Variants in HYDIN observed in about 807,000 individuals in gnomAD.
HYDIN encodes the protein axonemal central pair apparatus protein HYDIN.
A neutral mutation model predicts 403.9 loss-of-function variants in HYDIN; 132 were observed. The ratio of observed to expected loss-of-function variants is 0.33; its 90% confidence interval spans 0.28 to 0.38. The LOEUF (loss-of-function observed/expected upper bound fraction) is 0.38, where lower values mean the gene tolerates loss of function less well. HYDIN is among the 10% of genes least tolerant of loss of function. The pLI, the probability that HYDIN is intolerant of heterozygous loss-of-function variation, is 1.00. For synonymous variants in HYDIN, 1,202 were observed against 1,891.7 expected, an observed-to-expected ratio of 0.64 and a Z score of 9.46; for missense variants, 2,827 against 5,009.5, an observed-to-expected ratio of 0.56 and a Z score of 13.15.
intron 3 of HYDIN, among the ~76,000 whole-genome samples, chr16:71,181,197 A>T (rs1048115397): frequency 2.1e-5 from 3 of 145,818 alleles, no homozygotes; most frequent in African/African-American, 7.6e-5. Context: ...GCAATACATT[A>T]AAAAAAAAAA....
intron 85 of HYDIN, among the ~76,000 whole-genome samples, chr16:70,809,249 C>T (rs2035302764): frequency 6.6e-6 from 1 of 152,094 alleles, no homozygotes; most frequent in African/African-American, 2.4e-5. Flanking sequence ...ACCTATATTC[C>T]AACTGATGTA....
intron 62 of HYDIN, among the ~76,000 whole-genome samples, chr16:70,875,945 T>C (rs987367864): frequency 2.6e-4 from 40 of 152,190 alleles, no homozygotes; most frequent in African/African-American, 8.7e-4. Context: ...ATGGAAACGA[T>C]GCAGGGTAAT....
chr16:70,810,793 C>T lies in HYDIN; in HGVS notation c.14659-786G>A, dbSNP rs117388722. On this transcript the variant is annotated intron_variant, in intron 84 of 85. Coordinates refer to ENST00000393567, the MANE Select transcript of HYDIN (RefSeq NM_001270974.2). The stretch of plus-strand genomic sequence containing the variant: ...TGCAGTGAGCCAAGATCGTGTCACT[C>T]TAGTCCACAGCCTGGGCAACAGAGT... Among the ~76,000 whole-genome samples the T allele has an allele frequency of 8.1e-3, 1,230 of 152,068 alleles. 9 individuals are homozygous for T. The highest frequency in any genetic ancestry group is 0.012 in the Non-Finnish European group (784 of 67,966).
chr16:70,956,258 C>CA (rs4028339), intron 39 of HYDIN, among the ~76,000 whole-genome samples: 44 of 133,650 alleles, frequency 3.3e-4, no homozygotes, highest in African/African-American at 7.7e-4. Context: ...ACTTTCATTA[C>CA]AAAAAAAAAA....
chr16:71,027,064 G>A (rs374035136), intron 20 of HYDIN: 29 of 837,530 alleles, frequency 3.5e-5, no homozygotes, highest in East Asian at 2.4e-4. Context: ...AATGTTTTAC[G>A]TAGAGTGTAT....
At position 71,031,337 on chromosome 16, in the gene HYDIN, G is replaced by A. The variant is rs1213525054; in HGVS notation, c.2768+342C>T. On this transcript the variant is annotated intron_variant, in intron 19 of 85. Transcript: ENST00000393567. ...TGTATCTGTATTTTCTACATTTGTG[G>A]AGAGGGATTAACAGTGTATTGGAAT... is the stretch of plus-strand genomic sequence containing the variant. 17 of 459,946 alleles carry A rather than the reference G, an allele frequency of 3.7e-5. No individual in the cohort carries two copies. In the East Asian group the frequency reaches 1.5e-3, roughly 41 times the overall value. 28.5% of individuals were successfully genotyped at this position (459,946 alleles called of 1,614,324 possible).
chr16:71,202,746 T>G (rs1013254933), intron 1 of HYDIN, among the ~76,000 whole-genome samples: 3 of 152,192 alleles, frequency 2.0e-5, no homozygotes, highest in Admixed American at 6.5e-5. Flanking sequence ...CAAGTTTGTG[T>G]TTTCAATTAA....
chr16:71,150,732 G>A (rs1391219657), intron 7 of HYDIN, among the ~76,000 whole-genome samples: 6 of 152,104 alleles, frequency 3.9e-5, no homozygotes, highest in South Asian at 2.1e-4. Context: ...ATTCAAACTC[G>A]CTGCTTATTA....
chr16:71,190,778 G>A (rs2883938), intron 1 of HYDIN, among the ~76,000 whole-genome samples: 52,619 of 151,902 alleles, frequency 0.35, 9,571 homozygotes, highest in East Asian at 0.57. Context: ...CTGATGTGAC[G>A]CAGTACACAG....
chr16:70,900,772 A>T (rs570094221), intron 53 of HYDIN, among the ~76,000 whole-genome samples: 1 of 149,776 alleles, frequency 6.7e-6, no homozygotes, highest in Non-Finnish European at 1.5e-5. Flanking sequence ...TTCCTTCCAC[A>T]TTGATTGCTC....
chr16:71,069,853 G>T (rs1431452427), intron 13 of HYDIN, among the ~76,000 whole-genome samples: 2 of 152,198 alleles, frequency 1.3e-5, no homozygotes, highest in Non-Finnish European at 2.9e-5. Flanking sequence ...TCTTGCGGAA[G>T]TATATTTTGC....
At chr16:71,215,828 G>C (rs1237100497) in intron 1 of HYDIN, among the ~76,000 whole-genome samples, 1 of 148,692 alleles carries the variant, frequency 6.7e-6, no homozygotes, top group African/African-American at 2.5e-5. Context: ...CAAAAGAACA[G>C]GCTGTTTACA....
rs150902638 is a variant in HYDIN, at chr16:70,920,890, C to T, written c.7486G>A (p.Asp2496Asn). ...GMEEAPHEPD[D>N]QRQVPLGGRR... is the part of the protein sequence containing the mutation. ...CCACCCAAGGGGACCTGGCGCTGGT[C>T]GTCGGGCTCATGGGGCGCTTCCTCC... Residue 2496 changes from aspartate to asparagine, a missense_variant, in exon 46 of 86, where the codon GAC becomes AAC. Transcript: ENST00000393567. The T allele has an allele frequency of 3.6e-5, 58 of 1,611,564 alleles. No individual in the cohort carries two copies. The highest frequency in any genetic ancestry group is 3.6e-4 in the African/African-American group (27 of 75,030).
At chr16:71,061,964 C>T (rs7187867) in intron 17 of HYDIN, among the ~76,000 whole-genome samples, 8 of 151,748 alleles carry the variant, frequency 5.3e-5, no homozygotes, top group Admixed American at 6.6e-5. Context: ...TATAAAACAC[C>T]GCTTCTGTTA....
At chr16:71,196,825 G>C (rs1258843818) in intron 1 of HYDIN, among the ~76,000 whole-genome samples, 1 of 152,170 alleles carries the variant, frequency 6.6e-6, no homozygotes, top group African/African-American at 2.4e-5. Flanking sequence ...CCAGTGCCAT[G>C]AAAGTTTACA....
intron 4 of HYDIN, among the ~76,000 whole-genome samples, chr16:71,176,870 T>C (rs2086689028): frequency 6.6e-6 from 1 of 152,174 alleles, no homozygotes; most frequent in South Asian, 2.1e-4. Flanking sequence ...ACAGGCTCTA[T>C]CTTTTGTACC....
chr16:71,059,774 C>A (rs1390576921), intron 18 of HYDIN, among the ~76,000 whole-genome samples: 2 of 152,126 alleles, frequency 1.3e-5, no homozygotes, highest in South Asian at 2.1e-4. Flanking sequence ...CCTCCTGAAA[C>A]TAAAATAAAA....
chr16:71,153,366 G>A (rs925241434), intron 6 of HYDIN, among the ~76,000 whole-genome samples: 1 of 151,774 alleles, frequency 6.6e-6, no homozygotes, highest in African/African-American at 2.4e-5. Flanking sequence ...AAGGGTGGGA[G>A]GGGTGTAGAG....
In HYDIN at chr16:70,946,643, G is replaced by A. The variant is rs2077871291; in HGVS notation, c.6532-2694C>T. Among the ~76,000 whole-genome samples, 3 of 152,236 alleles carry A rather than the reference G, an allele frequency of 2.0e-5. No individual in the cohort carries two copies. The South Asian group carries it at 6.2e-4, about 32-fold the overall frequency. On this transcript the variant is annotated intron_variant, in intron 41 of 85. Coordinates refer to ENST00000393567, the MANE Select transcript of HYDIN (RefSeq NM_001270974.2). ...GCACGAGGTGGGTGCTAGGTAGTGA[G>A]GATGAGGAATGGAGGTTTCGATGGG...
Sources: allele counts gnomAD v4.1 joint callset (sites outside exome capture counted in the v4.1 genomes callset), GRCh38; gene constraint gnomAD v4.1.1; transcripts MANE v1.5; gene names NCBI Gene and HGNC (gene_info 2026-07-23, HGNC 2026-07-21).